The following HPSE2 variants were observed in gnomAD, a reference collection of about 807,000 sequenced individuals.
HPSE2 encodes heparanase 2 (inactive), also known as inactive heparanase-2.
In HPSE2, 38 loss-of-function variants were observed where a neutral mutation model predicts 60.5. That is an observed-to-expected ratio of 0.63 (90% confidence interval 0.48 to 0.82). The LOEUF (loss-of-function observed/expected upper bound fraction) is 0.82. HPSE2 is among the 40% of genes least tolerant of loss of function. The probability of loss-of-function intolerance (pLI) is 0.00; values close to 1 mark genes in which losing one functional copy is unlikely to be tolerated. For missense variants in HPSE2, 713 were observed against 740.4 expected, an observed-to-expected ratio of 0.96 and a Z score of 0.43; for synonymous variants, 295 against 293.2, an observed-to-expected ratio of 1.01 and a Z score of -0.06.
At chr10:98,768,212 G>A (rs1333009656) in intron 3 of HPSE2, among the ~76,000 whole-genome samples, 2 of 151,838 alleles carry the variant, frequency 1.3e-5, no homozygotes, top group African/African-American at 4.8e-5. Flanking sequence ...GGTGGGTGAT[G>A]GGTGTTTGTC....
chr10:98,933,484 C>T lies in HPSE2; in HGVS notation c.611-189428G>A, dbSNP rs1276644720. 8.3e-5 allele frequency among the ~76,000 whole-genome samples: 12 copies of T among 143,896 alleles called. 3 individuals are homozygous for T. 94.4% of individuals were successfully genotyped at this position (143,896 alleles called of 152,430 possible). ...TCTATCAGGTCCACTTGATTTAGAG[C>T]TGAGTTCAAGTCCTGGATATCTTTG... On this transcript the variant is annotated intron_variant, in intron 3 of 11. Coordinates refer to ENST00000370552, the MANE Select transcript of HPSE2 (RefSeq NM_021828.5).
intron 3 of HPSE2, among the ~76,000 whole-genome samples, chr10:98,905,309 C>A (rs577074588): frequency 1.3e-5 from 2 of 148,836 alleles, no homozygotes; most frequent in African/African-American, 2.5e-5. Context: ...ATCCCTCCCC[C>A]CTCCCCCGAC....
chr10:98,715,770 G>A (rs1948775814), intron 5 of HPSE2, among the ~76,000 whole-genome samples: 2 of 152,060 alleles, frequency 1.3e-5, no homozygotes, highest in Admixed American at 6.6e-5. Context: ...CCTTCAGTGA[G>A]TCATAATCTT....
chr10:98,490,055 G>A lies in HPSE2; in HGVS notation c.1462C>T (p.His488Tyr). The A allele has an allele frequency of 6.2e-7, 1 of 1,614,148 alleles. No individual in the cohort carries two copies. Among genetic ancestry groups the A allele is most frequent in the Non-Finnish European group, 8.5e-7 (1 of 1,180,006 alleles). The change falls in exon 10 of 12, where the codon CAC becomes TAC. Residue 488 changes from histidine to tyrosine, a missense_variant. His to Tyr is a moderately conservative substitution (Grantham distance 83). Transcript: ENST00000370552. ...GCCATCTTTCTGAGGACTTACTTGT[G>A]GTGGTTTGTGCAGTGAGCATAAATC... The part of the protein sequence containing the change: ...LRIYAHCTNH[H>Y]NHNYVRGSIT...
intron 4 of HPSE2, among the ~76,000 whole-genome samples, chr10:98,733,361 A>G (rs1450954638): frequency 1.3e-5 from 2 of 152,154 alleles, no homozygotes; most frequent in Non-Finnish European, 2.9e-5. Flanking sequence ...AGCTCAAACA[A>G]TCTGCCCACC....
the HPSE2 span, among the ~76,000 whole-genome samples, chr10:99,275,837 G>A: frequency 6.6e-6 from 1 of 152,130 alleles, no homozygotes; most frequent in Non-Finnish European, 1.5e-5. Flanking sequence ...AGAACATCTA[G>A]GGCATGGGAC....
At chr10:98,609,312 A>G (rs1945683171) in intron 9 of HPSE2, among the ~76,000 whole-genome samples, 1 of 152,256 alleles carries the variant, frequency 6.6e-6, no homozygotes. Context: ...AGTGTCTAGC[A>G]TAGTATCTAG....
the HPSE2 span, among the ~76,000 whole-genome samples, chr10:99,303,101 G>C: frequency 6.9e-4 from 105 of 152,026 alleles, no homozygotes; most frequent in African/African-American, 2.5e-3. Context: ...TGACCCAGCA[G>C]GTTTCCTTAG....
the HPSE2 span, among the ~76,000 whole-genome samples, chr10:99,313,945 T>G: frequency 6.6e-6 from 1 of 152,002 alleles, no homozygotes; most frequent in African/African-American, 2.4e-5. Context: ...TAAGATGCTA[T>G]CAAATAGCAT....
intron 3 of HPSE2, among the ~76,000 whole-genome samples, chr10:98,877,345 T>C (rs1183513685): frequency 6.6e-6 from 1 of 151,900 alleles, no homozygotes; most frequent in Non-Finnish European, 1.5e-5. Context: ...AAGCCATCTA[T>C]AATCTTACTT....
intron 6 of HPSE2, among the ~76,000 whole-genome samples, chr10:98,643,237 C>T (rs1358705205): frequency 6.6e-6 from 1 of 152,130 alleles, no homozygotes; most frequent in Non-Finnish European, 1.5e-5. Context: ...TCTCTATGGG[C>T]CTCAGTTTTT....
chr10:99,047,320 C>T (rs944172199), intron 3 of HPSE2, among the ~76,000 whole-genome samples: 5 of 152,070 alleles, frequency 3.3e-5, no homozygotes, highest in African/African-American at 1.2e-4. Flanking sequence ...CAAAAATTAA[C>T]CTAAGATGGA....
chr10:98,608,830 A>C (rs1945667452), intron 9 of HPSE2, among the ~76,000 whole-genome samples: 1 of 152,102 alleles, frequency 6.6e-6, no homozygotes, highest in African/African-American at 2.4e-5. Flanking sequence ...AAGAAAAGAA[A>C]GAGAAAGGCG....
intron 3 of HPSE2, among the ~76,000 whole-genome samples, chr10:98,863,941 T>C (rs1285199787): frequency 6.6e-6 from 1 of 150,580 alleles, no homozygotes; most frequent in Non-Finnish European, 1.5e-5. Context: ...TTATAAAATA[T>C]GTACTATATA....
At chr10:98,937,870 C>A (rs537406261) in intron 3 of HPSE2, among the ~76,000 whole-genome samples, 3,652 of 142,614 alleles carry the variant, frequency 0.026, 396 homozygotes, top group Admixed American at 0.061. Flanking sequence ...TCACATGGCC[C>A]AGTACTCCTC....
At chr10:98,674,277 G>T (rs868457709) in intron 6 of HPSE2, among the ~76,000 whole-genome samples, 64 of 152,254 alleles carry the variant, frequency 4.2e-4, no homozygotes, top group African/African-American at 1.5e-3. Flanking sequence ...TTTTGAGACA[G>T]CAAAATAGAA....
At chr10:99,209,481 G>A (rs1848878941) in intron 2 of HPSE2, among the ~76,000 whole-genome samples, 1 of 152,038 alleles carries the variant, frequency 6.6e-6, no homozygotes. Flanking sequence ...CTTATGGGAA[G>A]CAGCAAAATA....
intron 2 of HPSE2, among the ~76,000 whole-genome samples, chr10:99,164,253 A>G (rs1220985999): frequency 6.1e-5 from 7 of 115,624 alleles, no homozygotes; most frequent in Non-Finnish European, 1.1e-4. Flanking sequence ...ATATATATAT[A>G]TATATATATA....
intron 2 of HPSE2, among the ~76,000 whole-genome samples, chr10:99,226,793 T>G (rs1197872507): frequency 6.6e-6 from 1 of 152,050 alleles, no homozygotes; most frequent in East Asian, 1.9e-4. Context: ...GGGAGATGCT[T>G]TAAGGCTATG....
Sources: allele counts gnomAD v4.1 joint callset (sites outside exome capture counted in the v4.1 genomes callset), GRCh38; gene constraint gnomAD v4.1.1; transcripts MANE v1.5; gene names NCBI Gene and HGNC (gene_info 2026-07-23, HGNC 2026-07-21).